The following PRAG1 variants were observed in gnomAD, a reference collection of about 807,000 sequenced individuals.
PRAG1 encodes the protein PEAK1 related, kinase-activating pseudokinase 1.
In PRAG1, 110 loss-of-function variants were observed where a neutral mutation model predicts 95.6. The ratio of observed to expected loss-of-function variants is 1.15; its 90% CI spans 0.99 to 1.35. The LOEUF is 1.35. PRAG1 is among the 40% of genes most tolerant of loss of function. The pLI is 0.00. For synonymous variants in PRAG1, 1,052 were observed against 819.4 expected (o/e 1.28, Z -4.85); for missense variants, 2,554 against 1,864.7 (o/e 1.37, Z -6.81).
intron 5 of PRAG1, among the ~76,000 whole-genome samples, chr8:8,323,394 T>G (rs987785424): frequency 6.6e-6 from 1 of 151,028 alleles, no homozygotes; most frequent in African/African-American, 2.4e-5. Flanking sequence ...CTTGGCTCAC[T>G]GCAATCTCCA....
chr8:8,384,340 A>G (rs1440925500), intron 1 of PRAG1, among the ~76,000 whole-genome samples: 3 of 152,076 alleles, frequency 2.0e-5, no homozygotes, highest in Non-Finnish European at 4.4e-5. Flanking sequence ...CTGGATTGCT[A>G]GCGTGGGGGA....
chr8:8,375,092 A>T (rs1424849188), intron 3 of PRAG1, among the ~76,000 whole-genome samples: 2 of 148,440 alleles, frequency 1.3e-5, no homozygotes, highest in African/African-American at 5.0e-5. Flanking sequence ...AAAAAAAAAA[A>T]TTTATTTTTC....
At chr8:8,327,446 G>T (rs1177584141) in intron 5 of PRAG1, among the ~76,000 whole-genome samples, 2 of 152,152 alleles carry the variant, frequency 1.3e-5, no homozygotes, top group African/African-American at 4.8e-5. Context: ...GGTGCACACA[G>T]ATAATCCCAG....
intron 1 of PRAG1, among the ~76,000 whole-genome samples, chr8:8,383,015 A>G (rs1053537767): frequency 5.3e-5 from 8 of 152,180 alleles, no homozygotes; most frequent in African/African-American, 1.9e-4. Flanking sequence ...TTCCTTAAGA[A>G]CATAAGGGTG....
At chr8:8,344,237 C>T (rs530905031) in intron 3 of PRAG1, among the ~76,000 whole-genome samples, 16 of 152,148 alleles carry the variant, frequency 1.1e-4, no homozygotes, top group Admixed American at 9.2e-4. Context: ...AACGGTGCTT[C>T]CACAAAGGAA....
chr8:8,325,062 C>T (rs894181449), intron 5 of PRAG1, among the ~76,000 whole-genome samples: 1 of 152,184 alleles, frequency 6.6e-6, no homozygotes, highest in Non-Finnish European at 1.5e-5. Flanking sequence ...CCCTGTTTAA[C>T]ATGTGCAGAT....
chr8:8,373,434 A>C (rs1800278808), intron 3 of PRAG1, among the ~76,000 whole-genome samples: 1 of 143,788 alleles, frequency 7.0e-6, no homozygotes, highest in South Asian at 2.3e-4. Flanking sequence ...GTGTTCTCTT[A>C]AGCTAATTTT....
chr8:8,380,028 C>T (rs559626212), intron 2 of PRAG1, among the ~76,000 whole-genome samples: 41 of 150,314 alleles, frequency 2.7e-4, no homozygotes, highest in Non-Finnish European at 4.6e-4. Context: ...ACCACTTGAG[C>T]CTAGGAGTTT....
intron 4 of PRAG1, among the ~76,000 whole-genome samples, chr8:8,337,084 G>C (rs1799013219): frequency 6.6e-6 from 1 of 152,182 alleles, no homozygotes; most frequent in Admixed American, 6.5e-5. Flanking sequence ...GAAACGCATA[G>C]TTTTCACTAG....
In PRAG1 at chr8:8,375,208, T is replaced by TTTTTTTTTG. The variant is rs1554511987; in HGVS notation, c.2162+1038_2162+1039insCAAAAAAAA. Among the ~76,000 whole-genome samples the TTTTTTTTTG allele has an allele frequency of 2.4e-3, 356 of 146,216 alleles. 1 individual carries two copies. The highest frequency in any genetic ancestry group is 6.2e-3 in the African/African-American group (241 of 39,180). On this transcript the variant is annotated intron_variant, in intron 3 of 5. Transcript: ENST00000615670. ...CAAAACTACATTTTTTTCTTTGTTTTTTTTTTTGTTTTTTTGAGACAGTCT... is the reference window on the plus strand; with the variant it reads ...CAAAACTACATTTTTTTCTTTGTTTTTTTTTTTTGTTTTTTTGTTTTTTTGAGACAGTCT...
At chr8:8,338,875 T>C (rs190669111) in intron 4 of PRAG1, among the ~76,000 whole-genome samples, 3 of 152,290 alleles carry the variant, frequency 2.0e-5, no homozygotes, top group Non-Finnish European at 1.5e-5. Context: ...TGAGAGGTTT[T>C]AAATATGACC....
chr8:8,366,788 C>T (rs537395143), intron 3 of PRAG1, among the ~76,000 whole-genome samples: 1 of 152,124 alleles, frequency 6.6e-6, no homozygotes, highest in South Asian at 2.1e-4. Flanking sequence ...AGCAATCCTC[C>T]CACATCAGCC....
At chr8:8,367,598 T>C (rs1347555993) in intron 3 of PRAG1, among the ~76,000 whole-genome samples, 2 of 151,820 alleles carry the variant, frequency 1.3e-5, no homozygotes, top group African/African-American at 4.8e-5. Flanking sequence ...TATTACTTAC[T>C]ACTATGTCAA....
chr8:8,363,328 A>C (rs1407735252), intron 3 of PRAG1, among the ~76,000 whole-genome samples: 1 of 152,186 alleles, frequency 6.6e-6, no homozygotes, highest in African/African-American at 2.4e-5. Flanking sequence ...AAAAAGACCA[A>C]ATATGTATTT....
intron 3 of PRAG1, among the ~76,000 whole-genome samples, chr8:8,342,636 T>A (rs907711332): frequency 6.6e-6 from 1 of 152,160 alleles, no homozygotes; most frequent in African/African-American, 2.4e-5. Flanking sequence ...AGGACCAACA[T>A]TTCCAGGACA....
intron 3 of PRAG1, among the ~76,000 whole-genome samples, chr8:8,345,675 G>C (rs1309822032): frequency 1.3e-5 from 2 of 152,086 alleles, no homozygotes; most frequent in Non-Finnish European, 2.9e-5. Flanking sequence ...TATGCCTGTA[G>C]TCCCAGCTAC....
chr8:8,324,457 C>A (rs1261132742), intron 5 of PRAG1, among the ~76,000 whole-genome samples: 1 of 152,080 alleles, frequency 6.6e-6, no homozygotes, highest in Non-Finnish European at 1.5e-5. Flanking sequence ...TGGGCGCATG[C>A]TAACTAGCCC....
intron 3 of PRAG1, 24 bp from the exon 4 acceptor site, chr8:8,339,659 T>C (rs773860730): frequency 9.4e-6 from 15 of 1,593,550 alleles, no homozygotes; most frequent in Non-Finnish European, 1.2e-5. Flanking sequence ...GAACAAACAA[T>C]ACAAATAACT....
At chr8:8,368,879 A>G (rs562183164) in intron 3 of PRAG1, among the ~76,000 whole-genome samples, 1 of 151,052 alleles carries the variant, frequency 6.6e-6, no homozygotes, top group Admixed American at 6.6e-5. Context: ...AGAAAATATT[A>G]TTTTGGCAAG....
Sources: gnomAD v4.1 joint callset for allele counts (sites outside exome capture counted in the v4.1 genomes callset) on GRCh38, gnomAD v4.1.1 for gene constraint, MANE v1.5 for transcripts, NCBI Gene and HGNC (gene_info 2026-07-23, HGNC 2026-07-21) for gene names.